Variants in DENND2A observed in about 807,000 individuals in gnomAD.
The protein encoded by DENND2A is DENN domain containing 2A, also known as DENN domain-containing protein 2A.
A neutral mutation model predicts 105.3 loss-of-function variants in DENND2A; 53 were observed. The observed-to-expected ratio is 0.50, with a 90% CI of 0.40 to 0.63. The LOEUF (loss-of-function observed/expected upper bound fraction) is 0.63, where lower values mean the gene tolerates loss of function less well. DENND2A is among the 30% of genes least tolerant of loss of function. The pLI is 0.00. For synonymous variants in DENND2A, 522 were observed against 508.4 expected (o/e 1.03, Z -0.36); for missense variants, 1,138 against 1,279.6 (o/e 0.89, Z 1.69).
intron 1 of DENND2A, among the ~76,000 whole-genome samples, chr7:140,610,528 TTATA>T (rs914215614): frequency 6.6e-6 from 1 of 151,620 alleles, no homozygotes; most frequent in South Asian, 2.1e-4. Context: ...TTGCTAGATT[TTATA>T]TATATATATG....
chr7:140,622,591 G>C (rs1183064527), intron 1 of DENND2A, among the ~76,000 whole-genome samples: 1 of 152,094 alleles, frequency 6.6e-6, no homozygotes, highest in Non-Finnish European at 1.5e-5. Flanking sequence ...CAGTGCTCAT[G>C]AGTATAAAAG....
intron 12 of DENND2A, among the ~76,000 whole-genome samples, chr7:140,548,058 A>G (rs1333242887): frequency 6.6e-6 from 1 of 152,106 alleles, no homozygotes; most frequent in Admixed American, 6.6e-5. Context: ...AACTCTGTGA[A>G]TATGCTGAAA....
Position 140,624,849 on chromosome 7 carries a change from G to GT in DENND2A, c.-248+15654dup, listed in dbSNP as rs1371102840. 1.8e-3 allele frequency among the ~76,000 whole-genome samples: 238 copies of GT among 131,242 alleles called. 4 individuals carry two copies. The highest frequency in any genetic ancestry group is 5.5e-3 in the African/African-American group (173 of 31,660). 86.1% of individuals were successfully genotyped at this position (131,242 alleles called of 152,430 possible). A position where few individuals can be genotyped will look rare whatever the true frequency, so the allele number is the denominator to read the frequency against. On this transcript the variant is annotated intron_variant, in intron 1 of 19. Transcript: ENST00000496613. ...CTGTTGAGAGATTTTGTTTTTCTTT[G>GT]TTTTTTTTGTTTTTTTTTGTTTTTT...
At position 140,601,861 on chromosome 7, in the gene DENND2A, G is replaced by A. The variant is rs976442417; in HGVS notation, c.537C>T (p.Pro179=). 6.2e-7 allele frequency: 1 copy of A among 1,614,122 alleles called. No homozygotes were observed. Among genetic ancestry groups the A allele is most frequent in the Non-Finnish European group, 8.5e-7 (1 of 1,180,022 alleles). Residue 179 remains proline (P), a synonymous_variant, in exon 3 of 20, where the codon CCC becomes CCT. Transcript: ENST00000496613. ...GGGAGTAACAAGTCCCTGGTAACTGGGGATCCAGCCCTGCCGACCCATCCT... is the reference window on the plus strand; with the variant it reads ...GGGAGTAACAAGTCCCTGGTAACTGAGGATCCAGCCCTGCCGACCCATCCT... The part of the protein sequence containing the change: ...ALKDGSAGLD[P]QLPGTCYSPH...
chr7:140,546,973 G>GGA, intron 12 of DENND2A, 34 bp from the exon 13 acceptor site: 1 of 1,597,840 alleles, frequency 6.3e-7, no homozygotes, highest in South Asian at 1.1e-5. Flanking sequence ...TAGCTATTCC[G>GGA]AAGCCAAAGC....
chr7:140,636,025 C>T (rs1016010553), intron 1 of DENND2A, among the ~76,000 whole-genome samples: 6 of 152,266 alleles, frequency 3.9e-5, no homozygotes, highest in South Asian at 2.1e-4. Flanking sequence ...AAGGGGCCAG[C>T]GGGGCCTGGC....
intron 14 of DENND2A, among the ~76,000 whole-genome samples, chr7:140,534,936 G>C (rs1033466825): frequency 1.3e-5 from 2 of 152,148 alleles, no homozygotes; most frequent in Non-Finnish European, 2.9e-5. Context: ...TGGGTCCAAG[G>C]ATGTTTTGCT....
At position 140,602,364 on chromosome 7, in the gene DENND2A, C is replaced by A; in HGVS notation, c.34G>T (p.Asp12Tyr). ...DMFSLDMIISDPAAEASRAGK... is the reference protein window; with the variant it reads ...DMFSLDMIISYPAAEASRAGK... ...GCCCTGCTGGCTTCTGCAGCTGGGT[C>A]ACTGATGATCATATCCAAGCTGAAC... The change falls in exon 3 of 20, where the codon GAC becomes TAC. Residue 12 changes from aspartate (D) to tyrosine (Y), a missense_variant. Physicochemically the swap from Asp to Tyr is radical, Grantham distance 160 (BLOSUM62 -3). Around this residue, in one of 2 missense-constraint regions of DENND2A, gnomAD observed 511 missense variants for 499.9 expected, o/e 1.02. Transcript: ENST00000496613. 1 of 1,588,428 alleles carries A rather than the reference C, an allele frequency of 6.3e-7. No homozygotes were observed. Among genetic ancestry groups the A allele is most frequent in the South Asian group, 1.1e-5 (1 of 90,288 alleles).
At chr7:140,622,892 G>A (rs372916297) in intron 1 of DENND2A, among the ~76,000 whole-genome samples, 10 of 151,706 alleles carry the variant, frequency 6.6e-5, no homozygotes, top group Admixed American at 5.9e-4. Flanking sequence ...TTTTAAACAC[G>A]AATCTGTATC....
intron 12 of DENND2A, among the ~76,000 whole-genome samples, chr7:140,548,844 C>A (rs1045954661): frequency 6.6e-6 from 1 of 151,708 alleles, no homozygotes; most frequent in East Asian, 2.0e-4. Context: ...AACTCCCGAC[C>A]TCAGGTGATC....
In DENND2A at chr7:140,549,671, A is replaced by G. The variant is rs543834779; in HGVS notation, c.2038-2732T>C. 5.9e-5 allele frequency among the ~76,000 whole-genome samples: 9 copies of G among 152,380 alleles called. 1 individual carries two copies. The highest frequency in any genetic ancestry group is 2.2e-4 in the African/African-American group (9 of 41,594). On this transcript the variant is annotated intron_variant, in intron 12 of 19. Coordinates refer to ENST00000496613, the MANE Select transcript of DENND2A (RefSeq NM_015689.5). ...TTAAATAAAATTTATTATTAAAATT[A>G]AAAAGACAGTATGGCAGTTCCTCAA...
chr7:140,587,163 T>G (rs1362538206), intron 4 of DENND2A, among the ~76,000 whole-genome samples: 1 of 152,220 alleles, frequency 6.6e-6, no homozygotes, highest in Non-Finnish European at 1.5e-5. Context: ...TAGTGTTTTC[T>G]TTCATTCAGT....
chr7:140,616,351 G>T (rs1800085681), intron 1 of DENND2A, among the ~76,000 whole-genome samples: 1 of 152,134 alleles, frequency 6.6e-6, no homozygotes, highest in African/African-American at 2.4e-5. Context: ...GACAGAGCGA[G>T]ACTCCATCAC....
intron 5 of DENND2A, among the ~76,000 whole-genome samples, chr7:140,579,099 T>G (rs1798426028): frequency 6.6e-6 from 1 of 151,894 alleles, no homozygotes; most frequent in South Asian, 2.1e-4. Flanking sequence ...ATCGAGACCA[T>G]CTGGCCAACA....
intron 4 of DENND2A, among the ~76,000 whole-genome samples, chr7:140,585,999 A>C (rs959256539): frequency 3.9e-5 from 6 of 152,142 alleles, no homozygotes; most frequent in Admixed American, 3.9e-4. Flanking sequence ...GGAAGGGCTC[A>C]TATTCTAAGC....
chr7:140,639,301 G>A (rs916192081), intron 1 of DENND2A, among the ~76,000 whole-genome samples: 18 of 151,918 alleles, frequency 1.2e-4, no homozygotes, highest in African/African-American at 4.3e-4. Flanking sequence ...GCAGTGGGTC[G>A]AGATTGCACT....
chr7:140,540,805 C>T (rs1340876583), intron 14 of DENND2A, among the ~76,000 whole-genome samples: 1 of 152,050 alleles, frequency 6.6e-6, no homozygotes, highest in Non-Finnish European at 1.5e-5. Context: ...ACAACCTCTG[C>T]CTCCCAGGTT....
intron 2 of DENND2A, among the ~76,000 whole-genome samples, chr7:140,605,251 C>T (rs950624522): frequency 2.0e-5 from 3 of 152,288 alleles, no homozygotes; most frequent in Middle Eastern, 6.8e-3. Flanking sequence ...GAGCTAAGAA[C>T]CCCTCAGTGG....
At chr7:140,624,868 GTT>G (rs1367069950) in intron 1 of DENND2A, among the ~76,000 whole-genome samples, 3 of 109,196 alleles carry the variant, frequency 2.7e-5, no homozygotes, top group Non-Finnish European at 5.7e-5. Flanking sequence ...GTTTTTTTTT[GTT>G]TTTTTTTTTT....
Sources: allele counts gnomAD v4.1 joint callset (sites outside exome capture counted in the v4.1 genomes callset), GRCh38; gene constraint gnomAD v4.1.1; regional missense constraint gnomAD v4.1.1; transcripts MANE v1.5; gene names NCBI Gene and HGNC (gene_info 2026-07-23, HGNC 2026-07-21).